Variants in WDFY3 observed in about 807,000 individuals in gnomAD.
WDFY3 encodes the protein WD repeat and FYVE domain-containing protein 3.
A neutral mutation model predicts 409.6 loss-of-function variants in WDFY3; 66 were observed. That is an observed-to-expected ratio of 0.16 (90% CI 0.13 to 0.20). WDFY3 has a LOEUF of 0.20. Ranked by LOEUF, WDFY3 falls within the 10% of genes least tolerant of loss-of-function variation. The pLI, the probability that WDFY3 is intolerant of heterozygous loss-of-function variation, is 1.00. For missense variants in WDFY3, 3,031 were observed against 4,298.1 expected (o/e 0.71, Z 8.24); for synonymous variants, 1,521 against 1,537.1 (o/e 0.99, Z 0.25).
chr4:84,746,969 C>A lies in WDFY3; in HGVS notation c.5974-3170G>T, dbSNP rs1325885584. ...CATACTCTCCCCACTCTACTAAAAT[C>A]TCCTTATGAAAGTTAAAAGCACAAG... On this transcript the variant is annotated intron_variant, in intron 36 of 67. Transcript: ENST00000295888. Among the ~76,000 whole-genome samples the A allele has an allele frequency of 2.6e-5, 4 of 152,250 alleles. No individual in the cohort carries two copies. The East Asian group carries it at 7.7e-4, about 29-fold the overall frequency.
chr4:84,964,436 C>T (rs546670536), intron 1 of WDFY3, among the ~76,000 whole-genome samples: 6 of 152,214 alleles, frequency 3.9e-5, no homozygotes, highest in East Asian at 1.9e-4. Flanking sequence ...GCCACTACAC[C>T]CCAGCCTGGG....
chr4:84,719,590 T>C (rs1345337769), intron 47 of WDFY3, among the ~76,000 whole-genome samples: 1 of 152,230 alleles, frequency 6.6e-6, no homozygotes, highest in Admixed American at 6.5e-5. Flanking sequence ...TCAATTTTCA[T>C]TGCTACATTT....
intron 1 of WDFY3, among the ~76,000 whole-genome samples, chr4:84,938,687 C>T (rs1561119736): frequency 2.0e-5 from 3 of 152,122 alleles, no homozygotes; most frequent in African/African-American, 7.2e-5. Flanking sequence ...TCCAAACTTA[C>T]AGAAAAGTTA....
intron 5 of WDFY3, chr4:84,844,513 T>C (rs1757814715): frequency 7.8e-7 from 1 of 1,289,212 alleles, no homozygotes; most frequent in South Asian, 1.2e-5. Context: ...TGTTTTTCTG[T>C]TTAAAAAAAA....
rs368591702 is a variant in WDFY3 at position 84,810,227 on chromosome 4, G to C, written c.2005C>G (p.Pro669Ala). ...TTCACTTTCTCCCAGCCATTCTTGG[G>C]TGGACAGCTCAAAGATCTTTCCATA... ...VAMERSLSCPPKNGWEKVNQN... is the reference protein window; with the variant it reads ...VAMERSLSCPAKNGWEKVNQN... The change falls in exon 14 of 68, where the codon CCC becomes GCC. Residue 669 changes from proline (P) to alanine (A), a missense_variant. Transcript: ENST00000295888. 9 of 1,613,924 alleles carry C rather than the reference G, an allele frequency of 5.6e-6. No homozygotes were observed.
At chr4:84,750,899 T>C (rs936190690) in intron 36 of WDFY3, among the ~76,000 whole-genome samples, 1 of 152,244 alleles carries the variant, frequency 6.6e-6, no homozygotes, top group Non-Finnish European at 1.5e-5. Context: ...GCACCTGTTC[T>C]GTACAATGCA....
At chr4:84,861,515 C>A (rs373018581) in intron 3 of WDFY3, among the ~76,000 whole-genome samples, 1 of 151,890 alleles carries the variant, frequency 6.6e-6, no homozygotes, top group East Asian at 1.9e-4. Flanking sequence ...CATAAAAGGA[C>A]AGTGAAAATG....
At position 84,958,753 on chromosome 4, in the gene WDFY3, GT is replaced by G. The variant is rs575218027; in HGVS notation, c.-226+7455del. ...ACACCTCCATCACCTTGACCTCATGGTTCACCTCCTTCCAGCCAACCCCTTA... is the reference window on the plus strand; with the variant it reads ...ACACCTCCATCACCTTGACCTCATGGTCACCTCCTTCCAGCCAACCCCTTA... On this transcript the variant is annotated intron_variant, in intron 1 of 67. Coordinates refer to ENST00000295888, the MANE Select transcript of WDFY3 (RefSeq NM_014991.6). Among the ~76,000 whole-genome samples the G allele has an allele frequency of 1.3e-3, 195 of 152,250 alleles. 2 individuals are homozygous for G. The highest frequency in any genetic ancestry group is 7.1e-3 in the East Asian group (37 of 5,178).
At chr4:84,958,964 T>A (rs1442284410) in intron 1 of WDFY3, among the ~76,000 whole-genome samples, 2 of 152,172 alleles carry the variant, frequency 1.3e-5, no homozygotes, top group African/African-American at 4.8e-5. Flanking sequence ...AATGATTGTA[T>A]GATGTCACTG....
intron 58 of WDFY3, among the ~76,000 whole-genome samples, chr4:84,695,101 TGGAGAA>T (rs1729868678): frequency 6.6e-6 from 1 of 152,048 alleles, no homozygotes; most frequent in Non-Finnish European, 1.5e-5. Context: ...CTCCACACTG[TGGAGAA>T]GTGCTGCAGT....
chr4:84,756,781 T>G (rs569118778), intron 33 of WDFY3, 145 bp downstream of exon 33: 4 of 1,005,106 alleles, frequency 4.0e-6, no homozygotes, highest in Non-Finnish European at 5.8e-6. Flanking sequence ...TTCTGTGGTA[T>G]TTTCAGATTT....
At chr4:84,824,353 T>C (rs1454812704) in intron 10 of WDFY3, among the ~76,000 whole-genome samples, 3 of 152,196 alleles carry the variant, frequency 2.0e-5, no homozygotes, top group Admixed American at 2.0e-4. Context: ...GACAAATTTA[T>C]AAATTCAACT....
intron 53 of WDFY3, among the ~76,000 whole-genome samples, chr4:84,707,243 A>T (rs1007916317): frequency 6.6e-6 from 1 of 152,068 alleles, no homozygotes; most frequent in African/African-American, 2.4e-5. Flanking sequence ...GAATGATTTT[A>T]AACAGGGGGA....
chr4:84,880,911 G>T (rs1578958772), intron 3 of WDFY3, among the ~76,000 whole-genome samples: 1 of 150,440 alleles, frequency 6.6e-6, no homozygotes, highest in African/African-American at 2.4e-5. Flanking sequence ...TTAGTAGAGA[G>T]GGGGTTTCGC....
intron 12 of WDFY3, 63 bp downstream of exon 12, chr4:84,820,022 A>C: frequency 7.4e-7 from 1 of 1,350,796 alleles, no homozygotes; most frequent in Non-Finnish European, 1.0e-6. Context: ...AAGCAAGAAT[A>C]ACCACAGAAG....
intron 54 of WDFY3, 25 bp from the exon 55 acceptor site, chr4:84,704,469 T>C: frequency 4.0e-6 from 6 of 1,517,920 alleles, no homozygotes; most frequent in Non-Finnish European, 4.5e-6. Flanking sequence ...TAAAGCACAA[T>C]TGAAACCAAA....
intron 3 of WDFY3, among the ~76,000 whole-genome samples, chr4:84,893,715 G>A (rs922698255): frequency 8.5e-5 from 13 of 152,130 alleles, no homozygotes; most frequent in Admixed American, 3.9e-4. Flanking sequence ...GGCTGGGCAC[G>A]GGGGCTCACG....
intron 32 of WDFY3, among the ~76,000 whole-genome samples, chr4:84,763,892 T>A (rs1310846430): frequency 2.0e-5 from 3 of 152,170 alleles, no homozygotes; most frequent in South Asian, 4.1e-4. Context: ...ATTACTAAAG[T>A]GACGCAGGAC....
chr4:84,780,169 A>G lies in WDFY3; in HGVS notation c.4304T>C (p.Val1435Ala). ...EGLYAAVKAL[V>A]CVVKSNPLAS... ...TAGTGGGTTACTCTTGACCACACAA[A>G]CCAGGGCCTTGACTGCTGCATATAA... Residue 1435 changes from valine (V) to alanine (A), a missense_variant, in exon 26 of 68, where the codon GTT (valine) becomes GCT (alanine). Around this residue, in one of 16 missense-constraint regions of WDFY3, gnomAD observed 55 missense variants for 124.1 expected, o/e 0.44. Transcript: ENST00000295888. 6.2e-7 allele frequency: 1 copy of G among 1,613,542 alleles called. No individual in the cohort carries two copies. Among genetic ancestry groups the G allele is most frequent in the Non-Finnish European group, 8.5e-7 (1 of 1,179,730 alleles).
Sources: allele counts gnomAD v4.1 joint callset (sites outside exome capture counted in the v4.1 genomes callset), GRCh38; gene constraint gnomAD v4.1.1; regional missense constraint gnomAD v4.1.1; transcripts MANE v1.5; gene names NCBI Gene and HGNC (gene_info 2026-07-23, HGNC 2026-07-21).